The following NTRK3 variants were observed in gnomAD, a reference collection of about 807,000 sequenced individuals.
The protein encoded by NTRK3 is NT-3 growth factor receptor.
A neutral mutation model predicts 91.7 loss-of-function variants in NTRK3; 24 were observed. The observed-to-expected ratio is 0.26, with a 90% CI of 0.19 to 0.37. NTRK3 has a LOEUF of 0.37. NTRK3 is among the 10% of genes least tolerant of loss of function. The pLI is 1.00. For synonymous variants in NTRK3, 483 were observed against 404.0 expected, an observed-to-expected ratio of 1.20 and a Z score of -2.34; for missense variants, 880 against 1,068.9, an observed-to-expected ratio of 0.82 and a Z score of 2.46.
chr15:87,969,531 G>A (rs1323126279), intron 14 of NTRK3, among the ~76,000 whole-genome samples: 1 of 152,148 alleles, frequency 6.6e-6, no homozygotes, highest in African/African-American at 2.4e-5. Flanking sequence ...CTAAATAATG[G>A]CCATAAACTA....
At chr15:88,183,344 C>A in intron 5 of NTRK3, 74 bp downstream of exon 5, 1 of 1,509,700 alleles carries the variant, frequency 6.6e-7, no homozygotes, top group South Asian at 1.1e-5. Context: ...AGGTCTAGAC[C>A]TCAGGTCTCC....
chr15:87,988,621 A>G (rs1474985408), intron 14 of NTRK3, among the ~76,000 whole-genome samples: 1 of 152,218 alleles, frequency 6.6e-6, no homozygotes, highest in Non-Finnish European at 1.5e-5. Flanking sequence ...TTAAATTTTC[A>G]TTCAGAATTT....
intron 17 of NTRK3, among the ~76,000 whole-genome samples, chr15:87,887,167 T>C (rs1030138161): frequency 5.9e-5 from 9 of 152,090 alleles, no homozygotes; most frequent in Non-Finnish European, 1.2e-4. Flanking sequence ...CTTAAGTATT[T>C]GAGCAAAAAA....
At chr15:88,097,271 A>C (rs771744265) in intron 13 of NTRK3, among the ~76,000 whole-genome samples, 4 of 152,244 alleles carry the variant, frequency 2.6e-5, no homozygotes, top group Non-Finnish European at 5.9e-5. Flanking sequence ...GAGGTGTGTC[A>C]GAGAACAGTT....
At chr15:88,132,510 G>A (rs1041373785) in intron 10 of NTRK3, among the ~76,000 whole-genome samples, 2 of 152,204 alleles carry the variant, frequency 1.3e-5, no homozygotes, top group Admixed American at 6.5e-5. Flanking sequence ...AGGGGCCACA[G>A]ATGGGACCTG....
At chr15:87,935,276 CAGGCTTGAGGAT>C (rs2069167958) in intron 15 of NTRK3, among the ~76,000 whole-genome samples, 1 of 152,252 alleles carries the variant, frequency 6.6e-6, no homozygotes, top group Non-Finnish European at 1.5e-5. Flanking sequence ...GCAAAGGTGC[CAGGCTTGAGGAT>C]AGGGCAAGGA....
chr15:88,120,761 T>A (rs1015819747), intron 13 of NTRK3, among the ~76,000 whole-genome samples: 4 of 152,212 alleles, frequency 2.6e-5, no homozygotes, highest in African/African-American at 9.7e-5. Context: ...ATTGAGCTGA[T>A]GTATTCATAA....
At chr15:88,083,274 G>T (rs1243414383) in intron 13 of NTRK3, among the ~76,000 whole-genome samples, 1 of 152,096 alleles carries the variant, frequency 6.6e-6, no homozygotes, top group Non-Finnish European at 1.5e-5. Context: ...AGGCTGGAGT[G>T]CAACGGCCCA....
chr15:88,110,219 T>C (rs1002133439), intron 13 of NTRK3, among the ~76,000 whole-genome samples: 1 of 151,862 alleles, frequency 6.6e-6, no homozygotes, highest in African/African-American at 2.4e-5. Context: ...CACAAAGTGG[T>C]GGGTAAAGAA....
chr15:88,167,456 T>G (rs535887157), intron 5 of NTRK3, among the ~76,000 whole-genome samples: 4 of 152,224 alleles, frequency 2.6e-5, no homozygotes, highest in African/African-American at 9.6e-5. Flanking sequence ...CCTACTCTAC[T>G]ACTTCTAGCT....
intron 17 of NTRK3, among the ~76,000 whole-genome samples, chr15:87,922,495 T>A (rs75830909): frequency 8.9e-4 from 135 of 152,302 alleles, no homozygotes; most frequent in African/African-American, 3.1e-3. Context: ...GCTGGGAAAT[T>A]CATTTCAGTA....
At chr15:88,002,411 T>A (rs1322467867) in intron 14 of NTRK3, among the ~76,000 whole-genome samples, 1 of 152,010 alleles carries the variant, frequency 6.6e-6, no homozygotes, top group Non-Finnish European at 1.5e-5. Context: ...TGATAGTGTT[T>A]ATGTGCCCCA....
At chr15:87,912,621 G>GCTCTCTCTCT (rs112477797) in intron 17 of NTRK3, among the ~76,000 whole-genome samples, 5 of 148,930 alleles carry the variant, frequency 3.4e-5, no homozygotes, top group African/African-American at 1.2e-4. Flanking sequence ...AGGGACATCT[G>GCTCTCTCTCT]CTCTCTCTCT....
intron 5 of NTRK3, among the ~76,000 whole-genome samples, chr15:88,171,785 T>C (rs1377442800): frequency 6.6e-6 from 1 of 152,206 alleles, no homozygotes; most frequent in Non-Finnish European, 1.5e-5. Flanking sequence ...TCAAAGTGTG[T>C]GGTGTTTTCC....
intron 14 of NTRK3, among the ~76,000 whole-genome samples, chr15:87,975,877 C>T (rs758413045): frequency 4.6e-5 from 7 of 152,190 alleles, no homozygotes; most frequent in Non-Finnish European, 1.0e-4. Context: ...CAGACAAGAA[C>T]TCCCTCACTT....
At chr15:87,973,139 C>G (rs1189693971) in intron 14 of NTRK3, among the ~76,000 whole-genome samples, 1 of 152,138 alleles carries the variant, frequency 6.6e-6, no homozygotes, top group Non-Finnish European at 1.5e-5. Context: ...GAAGATCTAG[C>G]TCTCTCAGGC....
intron 3 of NTRK3, among the ~76,000 whole-genome samples, chr15:88,188,297 C>G (rs915023852): frequency 5.0e-4 from 76 of 152,220 alleles, no homozygotes; most frequent in African/African-American, 1.8e-3. Flanking sequence ...CCACTTTAGT[C>G]TCATAATACA....
At chr15:88,209,766 C>G (rs548002773) in intron 3 of NTRK3, among the ~76,000 whole-genome samples, 1 of 152,340 alleles carries the variant, frequency 6.6e-6, no homozygotes, top group Non-Finnish European at 1.5e-5. Flanking sequence ...CCTCTCTGTT[C>G]CTGACCACAG....
intron 14 of NTRK3, among the ~76,000 whole-genome samples, chr15:87,952,818 G>A (rs1284459486): frequency 6.6e-6 from 1 of 152,032 alleles, no homozygotes; most frequent in African/African-American, 2.4e-5. Flanking sequence ...CCGGAGCCAG[G>A]GCTTCTGCCA....
Sources: allele counts gnomAD v4.1 joint callset (sites outside exome capture counted in the v4.1 genomes callset), GRCh38; gene constraint gnomAD v4.1.1; transcripts MANE v1.5; gene names NCBI Gene and HGNC (gene_info 2026-07-23, HGNC 2026-07-21).